Variants in HMCN1 observed in about 807,000 individuals in gnomAD.
The protein encoded by HMCN1 is hemicentin-1.
In HMCN1, 321 loss-of-function variants were observed where a neutral mutation model predicts 625.9. The ratio of observed to expected loss-of-function variants is 0.51; its 90% confidence interval spans 0.47 to 0.56. The LOEUF (loss-of-function observed/expected upper bound fraction) is 0.56. Among genes scored for constraint, HMCN1 ranks in the 20% least tolerant of loss-of-function variants. The pLI is 0.00. For missense variants in HMCN1, 6,588 were observed against 6,887.3 expected, an observed-to-expected ratio of 0.96 and a Z score of 1.54; for synonymous variants, 2,425 against 2,417.6, an observed-to-expected ratio of 1.00 and a Z score of -0.09.
intron 1 of HMCN1, among the ~76,000 whole-genome samples, chr1:185,813,769 T>G (rs868622309): frequency 2.6e-4 from 39 of 152,308 alleles, no homozygotes; most frequent in African/African-American, 8.7e-4. Context: ...TTCACTTATT[T>G]TTACTTGTGT....
At chr1:186,020,158 C>CT (rs1024956535) in intron 35 of HMCN1, among the ~76,000 whole-genome samples, 50 of 151,952 alleles carry the variant, frequency 3.3e-4, no homozygotes, top group African/African-American at 1.2e-3. Flanking sequence ...GAAAAGTTCA[C>CT]TTTTTTATCG....
At chr1:186,102,095 G>A (rs750930694) in intron 68 of HMCN1, among the ~76,000 whole-genome samples, 6 of 152,180 alleles carry the variant, frequency 3.9e-5, no homozygotes, top group Non-Finnish European at 7.4e-5. Context: ...GATAGATCTA[G>A]ACCATATTGT....
Position 186,137,877 on chromosome 1 carries a change from C to A in HMCN1, c.13829C>A (p.Thr4610Asn). The A allele has an allele frequency of 6.2e-7, 1 of 1,614,024 alleles. No homozygotes were observed. The highest frequency in any genetic ancestry group is 8.5e-7 in the Non-Finnish European group (1 of 1,179,962). Residue 4610 changes from threonine to asparagine, a missense_variant, in exon 89 of 107, where the codon ACC becomes AAC. By Grantham distance (65) the Thr-to-Asn change is moderately conservative. Around this residue, in one of 3 missense-constraint regions of HMCN1, gnomAD observed 1,954 missense variants for 2,013.1 expected, o/e 0.97. Coordinates refer to ENST00000271588, the MANE Select transcript of HMCN1 (RefSeq NM_031935.3). ...TGTGGACGCGGCAACCAAACCAGGA[C>A]CAGGACTTGCAATAATCCATCAGTT... ...RSCGRGNQTR[T>N]RTCNNPSVQH...
At chr1:185,912,664 G>A (rs2102457388) in intron 6 of HMCN1, among the ~76,000 whole-genome samples, 1 of 152,130 alleles carries the variant, frequency 6.6e-6, no homozygotes, top group South Asian at 2.1e-4. Context: ...TTGTTCGGCT[G>A]AGGAATTAAC....
At chr1:185,942,901 CAA>C (rs1668154126) in intron 11 of HMCN1, among the ~76,000 whole-genome samples, 1 of 151,914 alleles carries the variant, frequency 6.6e-6, no homozygotes, top group Non-Finnish European at 1.5e-5. Flanking sequence ...TGACAGAACT[CAA>C]GAGGCATTTT....
At chr1:185,806,504 G>C (rs1019122320) in intron 1 of HMCN1, among the ~76,000 whole-genome samples, 1 of 143,826 alleles carries the variant, frequency 7.0e-6, no homozygotes, top group East Asian at 2.0e-4. Context: ...TTGTGATCAT[G>C]CCACTTCGCT....
chr1:186,012,544 C>A (rs1654072243), intron 30 of HMCN1, among the ~76,000 whole-genome samples: 1 of 151,980 alleles, frequency 6.6e-6, no homozygotes, highest in African/African-American at 2.4e-5. Flanking sequence ...GATGTTGCTC[C>A]CAGTGTTCTC....
chr1:186,011,534 T>C (rs1176722077), intron 30 of HMCN1, among the ~76,000 whole-genome samples: 2 of 152,246 alleles, frequency 1.3e-5, no homozygotes, highest in African/African-American at 4.8e-5. Flanking sequence ...TAATAAATTC[T>C]AGGTGAAGGT....
At chr1:186,186,967 A>G (rs1351585655) in intron 105 of HMCN1, among the ~76,000 whole-genome samples, 1 of 141,344 alleles carries the variant, frequency 7.1e-6, no homozygotes, top group East Asian at 2.2e-4. Flanking sequence ...CCAACCATCA[A>G]TCAATCTCAC....
chr1:185,928,817 T>G, intron 10 of HMCN1, 150 bp downstream of exon 10: 1 of 854,756 alleles, frequency 1.2e-6, no homozygotes, highest in Non-Finnish European at 1.9e-6. Flanking sequence ...TCAAATCCTG[T>G]GCTCACCATG....
intron 93 of HMCN1, among the ~76,000 whole-genome samples, chr1:186,149,987 C>T (rs965378203): frequency 6.6e-6 from 1 of 152,026 alleles, no homozygotes; most frequent in Admixed American, 6.6e-5. Flanking sequence ...ACAGAACACC[C>T]TAAGAGAGAT....
intron 64 of HMCN1, among the ~76,000 whole-genome samples, chr1:186,092,818 G>T (rs4651297): frequency 6.6e-6 from 1 of 151,770 alleles, no homozygotes; most frequent in Non-Finnish European, 1.5e-5. Flanking sequence ...CATTGTAACA[G>T]TCTTCAATTT....
chr1:186,171,811 G>A (rs868235534), intron 101 of HMCN1, among the ~76,000 whole-genome samples, 195 bp from the exon 102 acceptor site: 1 of 151,934 alleles, frequency 6.6e-6, no homozygotes, highest in African/African-American at 2.4e-5. Context: ...ACAATATTTT[G>A]TGTTTGTTTT....
intron 16 of HMCN1, among the ~76,000 whole-genome samples, chr1:185,979,234 A>G (rs184512085): frequency 1.3e-5 from 2 of 152,088 alleles, no homozygotes; most frequent in Non-Finnish European, 2.9e-5. Context: ...GAAAAAATGG[A>G]TTTGATGAGC....
chr1:185,849,461 C>A (rs1301117690), intron 2 of HMCN1, among the ~76,000 whole-genome samples: 2 of 152,046 alleles, frequency 1.3e-5, no homozygotes, highest in African/African-American at 4.8e-5. Context: ...TTATTAAATA[C>A]CCCAGTAAAA....
In HMCN1 at chr1:186,065,279, C is replaced by G. The variant is rs865790846; in HGVS notation, c.7555C>G (p.Pro2519Ala). 6.2e-7 allele frequency: 1 copy of G among 1,612,350 alleles called. No homozygotes were observed. The highest frequency in any genetic ancestry group is 1.3e-5 in the African/African-American group (1 of 74,866). ...AATTACATGGCACAAAGATGGGCAG[C>G]CCCTCCAAGAAGATGAAGCCCATCA... is the stretch of plus-strand genomic sequence containing the variant. ...PEITWHKDGQ[P>A]LQEDEAHHII... The change falls in exon 49 of 107, where the codon CCC (proline) becomes GCC (alanine). Residue 2519 changes from proline to alanine, a missense_variant. By Grantham distance (27) the Pro-to-Ala change is conservative. This residue lies in a region of HMCN1 where 4,628 missense variants were observed against 4,853.1 expected (regional missense o/e 0.95). Transcript: ENST00000271588.
Position 186,107,041 on chromosome 1 carries a change from A to G in HMCN1, c.10852+76A>G, listed in dbSNP as rs1448286213. On this transcript the variant is annotated intron_variant, in intron 70 of 106. Transcript: ENST00000271588. ...AAACCCTGGGACAACACCACAGCAC[A>G]TCACAGGATATGTTTATAAGTTAGG... is the stretch of plus-strand genomic sequence containing the variant. 7 of 867,354 alleles carry G rather than the reference A, an allele frequency of 8.1e-6. No individual in the cohort carries two copies. The African/African-American group carries it at 1.2e-4, about 14-fold the overall frequency. 53.7% of individuals were successfully genotyped at this position (867,354 alleles called of 1,614,324 possible).
intron 32 of HMCN1, 107 bp downstream of exon 32, chr1:186,016,346 A>G: frequency 2.7e-6 from 3 of 1,092,074 alleles, no homozygotes; most frequent in East Asian, 2.5e-5. Flanking sequence ...AAAAGAAGGT[A>G]TAGTCCTCTG....
intron 2 of HMCN1, among the ~76,000 whole-genome samples, chr1:185,847,275 C>T (rs995566118): frequency 3.3e-5 from 5 of 152,126 alleles, no homozygotes; most frequent in African/African-American, 7.2e-5. Flanking sequence ...GTTGAAATTT[C>T]ACAACATGAC....
Sources: gnomAD v4.1 joint callset for allele counts (sites outside exome capture counted in the v4.1 genomes callset) on GRCh38, gnomAD v4.1.1 for gene constraint, gnomAD v4.1.1 regional missense constraint, MANE v1.5 for transcripts, NCBI Gene and HGNC (gene_info 2026-07-23, HGNC 2026-07-21) for gene names.